Variants in WWOX observed in about 807,000 individuals in gnomAD.
WWOX encodes the protein WW domain containing oxidoreductase.
WWOX carries 69 observed loss-of-function variants against 46.2 expected under a neutral mutation model. The ratio of observed to expected loss-of-function variants is 1.49; its 90% CI spans 1.23 to 1.82. The LOEUF is 1.82. Among genes scored for constraint, WWOX ranks in the 40% most tolerant of loss-of-function variants. The probability of loss-of-function intolerance (pLI) is 0.00; values close to 1 mark genes in which losing one functional copy is unlikely to be tolerated. For synonymous variants in WWOX, 359 were observed against 202.6 expected (o/e 1.77, Z -6.56); for missense variants, 919 against 542.6 (o/e 1.69, Z -6.89).
intron 8 of WWOX, among the ~76,000 whole-genome samples, chr16:78,680,638 G>A (rs2047707415): frequency 6.6e-6 from 1 of 152,196 alleles, no homozygotes; most frequent in South Asian, 2.1e-4. Context: ...TAAAATTAAA[G>A]ATTCAATCTC....
At chr16:79,038,996 C>T (rs534712261) in intron 8 of WWOX, among the ~76,000 whole-genome samples, 1 of 152,178 alleles carries the variant, frequency 6.6e-6, no homozygotes, top group East Asian at 1.9e-4. Flanking sequence ...ATGTCTGCCA[C>T]AAATGGGAGT....
rs983876588 is a variant in WWOX, at chr16:78,315,561, A to G, written c.517-71299A>G. On this transcript the variant is annotated intron_variant, in intron 5 of 8. Coordinates refer to ENST00000566780, the MANE Select transcript of WWOX (RefSeq NM_016373.4). ...GCTGCTCAGGAGGCTGAGGCAGGCG[A>G]ATCGCTTGAACCCGGGAAGCAGAGG... Among the ~76,000 whole-genome samples, 17 of 152,216 alleles carry G rather than the reference A, an allele frequency of 1.1e-4. No individual in the cohort carries two copies. The East Asian group carries it at 3.3e-3, about 30-fold the overall frequency.
At chr16:78,152,787 G>C (rs2034463343) in intron 4 of WWOX, among the ~76,000 whole-genome samples, 1 of 152,224 alleles carries the variant, frequency 6.6e-6, no homozygotes, top group Non-Finnish European at 1.5e-5. Context: ...TTATTGTACA[G>C]CTTTACAAAA....
chr16:78,662,648 C>T (rs994466803), intron 8 of WWOX, among the ~76,000 whole-genome samples: 3 of 152,168 alleles, frequency 2.0e-5, no homozygotes, highest in African/African-American at 7.2e-5. Flanking sequence ...AACATACATT[C>T]ATCATTTTGC....
intron 5 of WWOX, among the ~76,000 whole-genome samples, chr16:78,291,593 A>G (rs939216940): frequency 1.3e-5 from 2 of 152,212 alleles, no homozygotes; most frequent in African/African-American, 4.8e-5. Context: ...GAAGTTGACC[A>G]TGAAAATTGC....
intron 8 of WWOX, among the ~76,000 whole-genome samples, chr16:78,569,653 C>T (rs118119563): frequency 0.019 from 2,932 of 152,224 alleles, 48 homozygotes; most frequent in South Asian, 0.043. Flanking sequence ...ATAGAGTAGA[C>T]ATAACATTTT....
intron 8 of WWOX, among the ~76,000 whole-genome samples, chr16:78,885,733 A>AG (rs2044442140): frequency 6.6e-6 from 1 of 152,104 alleles, no homozygotes; most frequent in African/African-American, 2.4e-5. Context: ...CAGAAGATGA[A>AG]GGGGGAAAGT....
intron 8 of WWOX, among the ~76,000 whole-genome samples, chr16:78,733,487 C>T (rs1313783423): frequency 2.0e-5 from 3 of 151,186 alleles, no homozygotes; most frequent in Admixed American, 2.0e-4. Context: ...GTGGCTCATG[C>T]CTGTAATCCC....
intron 8 of WWOX, among the ~76,000 whole-genome samples, chr16:78,667,979 A>G (rs1295170372): frequency 6.6e-6 from 1 of 152,076 alleles, no homozygotes; most frequent in African/African-American, 2.4e-5. Flanking sequence ...TACACTAGCC[A>G]TCAAAACCAT....
chr16:78,867,550 T>C (rs920508928), intron 8 of WWOX, among the ~76,000 whole-genome samples: 3 of 148,768 alleles, frequency 2.0e-5, no homozygotes, highest in Admixed American at 6.7e-5. Context: ...TGTGTTTTTG[T>C]TTTTTTTTAA....
chr16:78,607,508 A>G (rs577717025), intron 8 of WWOX, among the ~76,000 whole-genome samples: 133 of 152,350 alleles, frequency 8.7e-4, no homozygotes, highest in Non-Finnish European at 1.4e-3. Context: ...AAGGGCTGTA[A>G]TTTAGCAAAG....
rs370979632 is a variant in WWOX, at chr16:78,877,151, G to C, written c.1057-334457G>C. Among the ~76,000 whole-genome samples the C allele has an allele frequency of 3.3e-5, 5 of 152,270 alleles. No individual in the cohort carries two copies. The East Asian group carries it at 5.8e-4, about 18-fold the overall frequency. Reference sequence around the variant, plus strand: ...ATTCCTTCATCTGTTAATTTAGTCAGACGAGGAAGGAAACGAGAAAAGTTA... The same window carrying C: ...ATTCCTTCATCTGTTAATTTAGTCACACGAGGAAGGAAACGAGAAAAGTTA... On this transcript the variant is annotated intron_variant, in intron 8 of 8. Transcript: ENST00000566780.
At chr16:78,998,467 A>C (rs571960062) in intron 8 of WWOX, among the ~76,000 whole-genome samples, 18 of 152,108 alleles carry the variant, frequency 1.2e-4, no homozygotes, top group Non-Finnish European at 2.5e-4. Flanking sequence ...AGATTTTTTC[A>C]CTGAGGGACT....
At chr16:78,782,188 C>A (rs972488793) in intron 8 of WWOX, among the ~76,000 whole-genome samples, 1 of 152,184 alleles carries the variant, frequency 6.6e-6, no homozygotes, top group African/African-American at 2.4e-5. Context: ...CCCTGTCCTT[C>A]CTCTTCAGGC....
intron 2 of WWOX, among the ~76,000 whole-genome samples, chr16:78,109,345 G>T (rs2032351767): frequency 6.6e-6 from 1 of 152,012 alleles, no homozygotes; most frequent in African/African-American, 2.4e-5. Context: ...GAAGGTTCCT[G>T]CCCTTAAGAG....
At chr16:79,013,250 G>C (rs994567199) in intron 8 of WWOX, among the ~76,000 whole-genome samples, 4 of 152,116 alleles carry the variant, frequency 2.6e-5, no homozygotes, top group Non-Finnish European at 5.9e-5. Context: ...AGGGTCGAGA[G>C]TGAATGCCTT....
At chr16:79,178,157 C>T (rs1181444024) in intron 8 of WWOX, among the ~76,000 whole-genome samples, 2 of 152,098 alleles carry the variant, frequency 1.3e-5, no homozygotes, top group African/African-American at 4.8e-5. Context: ...TTTGAGGATG[C>T]AAACCTTCAG....
At chr16:78,234,265 G>C (rs1035853537) in intron 5 of WWOX, among the ~76,000 whole-genome samples, 1 of 152,038 alleles carries the variant, frequency 6.6e-6, no homozygotes, top group African/African-American at 2.4e-5. Context: ...AAATTTTCCA[G>C]TCTAGGTTAT....
At chr16:79,034,897 T>C (rs1212602167) in intron 8 of WWOX, among the ~76,000 whole-genome samples, 1 of 152,178 alleles carries the variant, frequency 6.6e-6, no homozygotes, top group African/African-American at 2.4e-5. Flanking sequence ...GATAATGGAA[T>C]TATAGCATTA....
Sources: gnomAD v4.1 joint callset for allele counts (sites outside exome capture counted in the v4.1 genomes callset) on GRCh38, gnomAD v4.1.1 for gene constraint, MANE v1.5 for transcripts, NCBI Gene and HGNC (gene_info 2026-07-23, HGNC 2026-07-21) for gene names.